Variants in SLC46A3 observed in about 807,000 individuals in gnomAD.
SLC46A3 encodes lysosomal proton-coupled steroid conjugate and bile acid symporter SLC46A3.
In SLC46A3, 26 loss-of-function variants were observed where a neutral mutation model predicts 38.5. The ratio of observed to expected loss-of-function variants is 0.68; its 90% CI spans 0.49 to 0.94. The LOEUF (loss-of-function observed/expected upper bound fraction) is 0.94. Among genes scored for constraint, SLC46A3 ranks in the 40% least tolerant of loss-of-function variants. The pLI is 0.00. For missense variants in SLC46A3, 510 were observed against 544.3 expected, an observed-to-expected ratio of 0.94 and a Z score of 0.63; for synonymous variants, 185 against 192.5, an observed-to-expected ratio of 0.96 and a Z score of 0.32.
At chr13:28,710,046 T>C (rs1477578332) in intron 4 of SLC46A3, among the ~76,000 whole-genome samples, 1 of 152,224 alleles carries the variant, frequency 6.6e-6, no homozygotes, top group Non-Finnish European at 1.5e-5. Context: ...TATGCCTTCC[T>C]ACTGTGAAAA....
intron 4 of SLC46A3, among the ~76,000 whole-genome samples, chr13:28,710,248 G>A (rs558085445): frequency 6.6e-6 from 1 of 152,246 alleles, no homozygotes; most frequent in Admixed American, 6.5e-5. Context: ...TACAGGGTGT[G>A]GAACAGCCCC....
intron 5 of SLC46A3, 83 bp downstream of exon 5, chr13:28,703,860 G>A (rs752335307): frequency 9.2e-6 from 12 of 1,307,470 alleles, no homozygotes; most frequent in Non-Finnish European, 1.3e-5. Flanking sequence ...AATTTCAACA[G>A]ACCTATGTAA....
At position 28,713,227 on chromosome 13, in the gene SLC46A3, G is replaced by A. The variant is rs753822190; in HGVS notation, c.513C>T (p.Ile171=). 1.3e-5 allele frequency: 21 copies of A among 1,613,886 alleles called. No individual in the cohort carries two copies. Among genetic ancestry groups the A allele is most frequent in the Non-Finnish European group, 1.7e-5 (20 of 1,179,996 alleles). The stretch of plus-strand genomic sequence containing the variant: ...TAACAAGTCCAAGTAGAAAGTCAAT[G>A]ATAGCTATTCGAATTGTTTTTTGTT... The part of the protein sequence containing the change: ...EHKQKTIRIA[I]IDFLLGLVTG... Residue 171 remains isoleucine (I), a synonymous_variant, in exon 3 of 6, where the codon ATC becomes ATT. Coordinates refer to ENST00000266943, the MANE Select transcript of SLC46A3 (RefSeq NM_181785.4).
At chr13:28,712,047 T>C (rs1483061546) in intron 3 of SLC46A3, among the ~76,000 whole-genome samples, 1 of 152,202 alleles carries the variant, frequency 6.6e-6, no homozygotes, top group African/African-American at 2.4e-5. Flanking sequence ...TTAACACTTT[T>C]ATTAGAGAAA....
At chr13:28,710,393 C>T (rs905120223) in intron 4 of SLC46A3, among the ~76,000 whole-genome samples, 1 of 152,190 alleles carries the variant, frequency 6.6e-6, no homozygotes, top group Non-Finnish European at 1.5e-5. Flanking sequence ...TCATCCAGGC[C>T]CTTACTGGAC....
Position 28,703,995 on chromosome 13 carries a change from A to G in SLC46A3, c.1249T>C (p.Phe417Leu). The change falls in exon 5 of 6, where the codon TTC becomes CTC. Residue 417 changes from phenylalanine to leucine, a missense_variant. Physicochemically the swap from Phe to Leu is conservative, Grantham distance 22. Transcript: ENST00000266943. Reference sequence around the variant, plus strand: ...AGACCAGCAGACAGCAGGAAAGTGAAGCCAGGGTACCAAGCAACAGTGGCT... The same window carrying G: ...AGACCAGCAGACAGCAGGAAAGTGAGGCCAGGGTACCAAGCAACAGTGGCT... ...YSATVAWYPG[F>L]TFLLSAGLLL... 6.2e-7 allele frequency: 1 copy of G among 1,613,960 alleles called. No individual in the cohort carries two copies. Among genetic ancestry groups the G allele is most frequent in the African/African-American group, 1.3e-5 (1 of 75,026 alleles).
chr13:28,701,569 A>G lies in SLC46A3; in HGVS notation c.1314T>C (p.Cys438=), dbSNP rs1251623608. 7 of 1,612,836 alleles carry G rather than the reference A, an allele frequency of 4.3e-6. No homozygotes were observed. The highest frequency in any genetic ancestry group is 5.9e-6 in the Non-Finnish European group (7 of 1,179,318). Residue 438 remains cysteine, a synonymous_variant, in exon 6 of 6, where the codon TGT becomes TGC. Coordinates refer to ENST00000266943, the MANE Select transcript of SLC46A3 (RefSeq NM_181785.4). ...CATAGCTTCCCTCATTCCAGCTGGT[A>G]CACTTGACAACACTATAAAAGGAAA... ...LPAISLCVVK[C]TSWNEGSYEL... is the part of the protein sequence containing the mutation.
rs766647976 is a variant in SLC46A3 at position 28,700,931 on chromosome 13, G to A, written c.*566C>T. The A allele has an allele frequency of 1.5e-5, 22 of 1,495,196 alleles. No individual in the cohort carries two copies. Among genetic ancestry groups the A allele is most frequent in the South Asian group, 1.3e-4 (11 of 82,492 alleles). 92.6% of individuals were successfully genotyped at this position (1,495,196 alleles called of 1,614,324 possible). A position where few individuals can be genotyped will look rare whatever the true frequency, so the allele number is the denominator to read the frequency against. On this transcript the variant is annotated 3_prime_UTR_variant, in exon 6 of 6. Transcript: ENST00000266943. ...TCAGAAGTCACAGTATATAAGCTCC[G>A]ACTATCAATAGCAGCTTAACAGGCT... is the stretch of plus-strand genomic sequence containing the variant.
At position 28,717,943 on chromosome 13, in the gene SLC46A3, A is replaced by G. The variant is rs200234860; in HGVS notation, c.56T>C (p.Leu19Ser). ...AIFLSAFAMTLTGPLTTQYVY... is the reference protein window; with the variant it reads ...AIFLSAFAMTSTGPLTTQYVY... ...ATATTGCGTTGTCAGTGGACCGGTC[A>G]AAGTCATAGCAAATGCACTAAGGAA... Residue 19 changes from leucine (L) to serine (S), a missense_variant, in exon 2 of 6, where the codon TTG becomes TCG. Coordinates refer to ENST00000266943, the MANE Select transcript of SLC46A3 (RefSeq NM_181785.4). 2 of 1,614,170 alleles carry G rather than the reference A, an allele frequency of 1.2e-6. No homozygotes were observed. Among genetic ancestry groups the G allele is most frequent in the East Asian group, 4.5e-5 (2 of 44,880 alleles).
intron 4 of SLC46A3, 145 bp downstream of exon 4, chr13:28,710,615 C>T (rs1486281363): frequency 1.5e-6 from 1 of 683,332 alleles, no homozygotes; most frequent in African/African-American, 1.8e-5. Flanking sequence ...TAAGCCTTTC[C>T]CTCACAGAGC....
intron 4 of SLC46A3, among the ~76,000 whole-genome samples, chr13:28,710,475 T>G (rs954632710): frequency 6.6e-6 from 1 of 152,182 alleles, no homozygotes; most frequent in Non-Finnish European, 1.5e-5. Flanking sequence ...GAAGGAGATG[T>G]GGTGAGCTCC....
At chr13:28,716,988 T>C (rs923368708) in intron 2 of SLC46A3, among the ~76,000 whole-genome samples, 1 of 131,966 alleles carries the variant, frequency 7.6e-6, no homozygotes, top group African/African-American at 2.9e-5. Context: ...TGAGGCATTG[T>C]AGGAAAAAAA....
chr13:28,710,676 T>C (rs1885315802), intron 4 of SLC46A3, 84 bp downstream of exon 4: 2 of 1,043,322 alleles, frequency 1.9e-6, no homozygotes, highest in Admixed American at 3.8e-5. Context: ...CTGTAGAATA[T>C]TCTGAAGCAT....
chr13:28,713,583 A>G, intron 2 of SLC46A3, 33 bp from the exon 3 acceptor site: 2 of 1,564,060 alleles, frequency 1.3e-6, no homozygotes, highest in South Asian at 2.4e-5. Flanking sequence ...CAATGTGTTT[A>G]CAGTAGTTAA....
chr13:28,710,904 T>C (rs988949555), intron 3 of SLC46A3, 61 bp from the exon 4 acceptor site: 2 of 1,180,780 alleles, frequency 1.7e-6, no homozygotes, highest in Admixed American at 1.8e-5. Context: ...CAATTTAAAA[T>C]AGGAAACACT....
In SLC46A3 at chr13:28,702,827, A is replaced by G. The variant is rs1566118336; in HGVS notation, c.1301+1116T>C. ...GGCAGGATGCTTAACACCTGTGCTTATAGGCACTTTCCTCCCTAACTCAGA... is the reference window on the plus strand; with the variant it reads ...GGCAGGATGCTTAACACCTGTGCTTGTAGGCACTTTCCTCCCTAACTCAGA... On this transcript the variant is annotated intron_variant, in intron 5 of 5. Coordinates refer to ENST00000266943, the MANE Select transcript of SLC46A3 (RefSeq NM_181785.4). Among the ~76,000 whole-genome samples the G allele has an allele frequency of 5.3e-5, 8 of 152,320 alleles. No homozygotes were observed. The South Asian group carries it at 8.3e-4, about 16-fold the overall frequency.
intron 2 of SLC46A3, among the ~76,000 whole-genome samples, chr13:28,714,876 T>A (rs888253315): frequency 2.6e-5 from 4 of 152,218 alleles, no homozygotes; most frequent in African/African-American, 9.6e-5. Flanking sequence ...GGAAGATGTG[T>A]CAATCATTAC....
rs200530417 is a variant in SLC46A3, at chr13:28,701,597, A to C, written c.1302-16T>G. 88 of 1,605,152 alleles carry C rather than the reference A, an allele frequency of 5.5e-5. 2 individuals are homozygous for C. In the Admixed American group the frequency reaches 6.9e-4, roughly 13 times the overall value. ...CTTGACAACACTATAAAAGGAAACA[A>C]GACATTTTAAAGTTGAGATTAAGAC... On this transcript the variant is annotated splice_polypyrimidine_tract_variant and intron_variant, in intron 5 of 5. Transcript: ENST00000266943.
rs1435423625 is a variant in SLC46A3 at position 28,700,250 on chromosome 13, G to C, written c.*1247C>G. On this transcript the variant is annotated 3_prime_UTR_variant, in exon 6 of 6. Transcript: ENST00000266943. ...CCTGTAGGGACTGGGGAGTGAGGAG[G>C]GATGTCAAGAAGGCTGCTATCCAGA... is the stretch of plus-strand genomic sequence containing the variant. The C allele has an allele frequency of 6.6e-6, 1 of 152,172 alleles. No homozygotes were observed. Among genetic ancestry groups the C allele is most frequent in the East Asian group, 1.9e-4 (1 of 5,194 alleles). The allele number at this position is 152,172 out of a possible 1,614,324, so 9.4% of individuals were successfully genotyped here.
Sources: gnomAD v4.1 joint callset for allele counts (sites outside exome capture counted in the v4.1 genomes callset) on GRCh38, gnomAD v4.1.1 for gene constraint, MANE v1.5 for transcripts, NCBI Gene and HGNC (gene_info 2026-07-23, HGNC 2026-07-21) for gene names.